The following ADK variants were observed in gnomAD, a reference collection of about 807,000 sequenced individuals.
ADK encodes adenosine kinase.
ADK carries 24 observed loss-of-function variants against 44.7 expected under a neutral mutation model. That is an observed-to-expected ratio of 0.54 (90% confidence interval 0.39 to 0.76). ADK has a LOEUF of 0.76. ADK is among the 30% of genes least tolerant of loss of function. The pLI is 0.00. For missense variants in ADK, 321 were observed against 425.1 expected (o/e 0.76, Z 2.15); for synonymous variants, 128 against 142.6 (o/e 0.90, Z 0.73).
intron 3 of ADK, among the ~76,000 whole-genome samples, chr10:74,314,290 A>G (rs1484009011): frequency 1.3e-5 from 2 of 152,074 alleles, no homozygotes; most frequent in East Asian, 1.9e-4. Flanking sequence ...GGAGAAATAC[A>G]TGCTGATTTC....
chr10:74,286,624 A>G (rs1564633715), intron 3 of ADK, among the ~76,000 whole-genome samples: 1 of 152,184 alleles, frequency 6.6e-6, no homozygotes, highest in African/African-American at 2.4e-5. Context: ...ATCTTGCTAG[A>G]CACAACAGAC....
chr10:74,645,241 T>C (rs73276277), intron 9 of ADK, among the ~76,000 whole-genome samples: 457 of 152,340 alleles, frequency 3.0e-3, no homozygotes, highest in African/African-American at 0.01. Flanking sequence ...TTCTCCCTTA[T>C]ATTTATGGTA....
chr10:74,175,253 G>A (rs991202663), intron 1 of ADK, among the ~76,000 whole-genome samples: 1 of 151,778 alleles, frequency 6.6e-6, no homozygotes, highest in African/African-American at 2.4e-5. Context: ...GTACGGTGGC[G>A]CATGCCTGTA....
intron 10 of ADK, among the ~76,000 whole-genome samples, chr10:74,702,524 TTTCCTTCCTTCCTTCCTTCC>T (rs59918097): frequency 1.7e-5 from 2 of 120,818 alleles, no homozygotes; most frequent in African/African-American, 3.2e-5. Context: ...TCCTTCCTTC[TTTCCTTCCTTCCTTCCTTCC>T]TTCCTTCCTT....
chr10:74,267,754 T>TTGCGTGTGTGTG (rs1846266600), intron 3 of ADK, among the ~76,000 whole-genome samples: 1 of 132,734 alleles, frequency 7.5e-6, no homozygotes, highest in Admixed American at 7.9e-5. Flanking sequence ...ATATCCTTAT[T>TTGCGTGTGTGTG]TGTGTGTGTG....
chr10:74,438,145 T>C (rs1845249491), intron 6 of ADK, among the ~76,000 whole-genome samples: 1 of 152,112 alleles, frequency 6.6e-6, no homozygotes. Context: ...GTCTCCTTTG[T>C]TGCAGTTATC....
At chr10:74,366,275 C>T (rs1025609710) in intron 4 of ADK, among the ~76,000 whole-genome samples, 13 of 151,976 alleles carry the variant, frequency 8.6e-5, no homozygotes, top group Non-Finnish European at 1.3e-4. Context: ...TAAAATAGTA[C>T]GTCTTGAAAG....
In ADK at chr10:74,303,585, G is replaced by GTTTTTTTTTTTTTTTTTTTTTTTTT. The variant is rs1282565148; in HGVS notation, c.195-11080_195-11079insTTTTTTTTTTTTTTTTTTTTTTTTT. Among the ~76,000 whole-genome samples, 247 of 64,642 alleles carry GTTTTTTTTTTTTTTTTTTTTTTTTT rather than the reference G, an allele frequency of 3.8e-3. 87 individuals carry two copies. The highest frequency in any genetic ancestry group is 5.0e-3 in the Non-Finnish European group (204 of 40,792). 42.4% of individuals were successfully genotyped at this position (64,642 alleles called of 152,430 possible). Reference sequence around the variant, plus strand: ...AAACACTTTTCATATTGGTTTTAATGTTGTTTTTTTTTTTTTTTTTTTTTT... The same window carrying GTTTTTTTTTTTTTTTTTTTTTTTTT: ...AAACACTTTTCATATTGGTTTTAATGTTTTTTTTTTTTTTTTTTTTTTTTTTTGTTTTTTTTTTTTTTTTTTTTTT... On this transcript the variant is annotated intron_variant, in intron 3 of 10. Coordinates refer to ENST00000539909, the MANE Select transcript of ADK (RefSeq NM_006721.4).
At chr10:74,238,856 C>CTTTGTTTTTTTT (rs1845081469) in intron 3 of ADK, among the ~76,000 whole-genome samples, 1 of 88,198 alleles carries the variant, frequency 1.1e-5, no homozygotes, top group African/African-American at 4.8e-5. Flanking sequence ...TTAGCTAGTG[C>CTTTGTTTTTTTT]TTTTTTTTTT....
chr10:74,350,053 G>A (rs896119333), intron 4 of ADK, among the ~76,000 whole-genome samples: 1 of 152,180 alleles, frequency 6.6e-6, no homozygotes, highest in African/African-American at 2.4e-5. Flanking sequence ...TCTGGACCAA[G>A]CGGACCTAAT....
chr10:74,181,443 T>C (rs1299744392), intron 1 of ADK, among the ~76,000 whole-genome samples: 1 of 152,188 alleles, frequency 6.6e-6, no homozygotes, highest in Non-Finnish European at 1.5e-5. Flanking sequence ...TCCTTTGTTA[T>C]GTATATCAGA....
chr10:74,209,959 A>G (rs1843747579), intron 2 of ADK, among the ~76,000 whole-genome samples: 1 of 152,090 alleles, frequency 6.6e-6, no homozygotes, highest in African/African-American at 2.4e-5. Flanking sequence ...CTGACACTAG[A>G]TAAATATGAA....
At chr10:74,333,683 G>A (rs1016431461) in intron 4 of ADK, among the ~76,000 whole-genome samples, 1 of 152,012 alleles carries the variant, frequency 6.6e-6, no homozygotes, top group African/African-American at 2.4e-5. Context: ...TTATTGTTTT[G>A]CAAATTTAAT....
In ADK at chr10:74,465,881, A is replaced by AT. The variant is rs551628505; in HGVS notation, c.556-59368dup. Among the ~76,000 whole-genome samples, 91 of 152,162 alleles carry AT rather than the reference A, an allele frequency of 6.0e-4. 1 individual carries two copies. In the South Asian group the frequency reaches 8.9e-3, roughly 15 times the overall value. On this transcript the variant is annotated intron_variant, in intron 6 of 10. Transcript: ENST00000539909. ...AGTGATAGGTTTTACTAATTTAATAATTTTTTTGTCTCAAACTTGTGACTT... is the reference window on the plus strand; with the variant it reads ...AGTGATAGGTTTTACTAATTTAATAATTTTTTTTGTCTCAAACTTGTGACTT...
intron 10 of ADK, among the ~76,000 whole-genome samples, chr10:74,706,316 C>G (rs1041593469): frequency 6.6e-6 from 1 of 152,114 alleles, no homozygotes; most frequent in Non-Finnish European, 1.5e-5. Flanking sequence ...AAAGTTCATA[C>G]TTTTTACCTC....
chr10:74,670,790 CTAA>C (rs1855142038), intron 10 of ADK, among the ~76,000 whole-genome samples: 1 of 151,688 alleles, frequency 6.6e-6, no homozygotes, highest in Non-Finnish European at 1.5e-5. Flanking sequence ...TTTATGTGAA[CTAA>C]TGATTTTGGT....
intron 1 of ADK, among the ~76,000 whole-genome samples, chr10:74,168,508 C>T (rs1842086832): frequency 7.2e-6 from 1 of 139,532 alleles, no homozygotes; most frequent in Non-Finnish European, 1.5e-5. Flanking sequence ...CACTGCACTC[C>T]AGCCTGGGCG....
intron 10 of ADK, among the ~76,000 whole-genome samples, chr10:74,707,608 CA>C (rs1856649013): frequency 6.6e-6 from 1 of 151,252 alleles, no homozygotes; most frequent in Non-Finnish European, 1.5e-5. Context: ...ACTAAAAATA[CA>C]AAAATTAGCT....
intron 10 of ADK, among the ~76,000 whole-genome samples, chr10:74,707,325 G>A (rs61862572): frequency 0.058 from 8,775 of 152,212 alleles, 332 homozygotes; most frequent in Middle Eastern, 0.085. Flanking sequence ...CATGAGCCAC[G>A]ATGCCTGGCT....
Sources: allele counts gnomAD v4.1 joint callset (sites outside exome capture counted in the v4.1 genomes callset), GRCh38; gene constraint gnomAD v4.1.1; transcripts MANE v1.5; gene names NCBI Gene and HGNC (gene_info 2026-07-23, HGNC 2026-07-21).